The following PINX1 variants were observed in gnomAD, a reference collection of about 807,000 sequenced individuals.
PINX1 encodes PIN2/TERF1-interacting telomerase inhibitor 1.
A neutral mutation model predicts 25.4 loss-of-function variants in PINX1; 34 were observed. That is an observed-to-expected ratio of 1.34 (90% CI 1.02 to 1.78). The LOEUF is 1.78. Ranked by LOEUF, PINX1 falls within the 40% of genes most tolerant of loss-of-function variation. The pLI, the probability that PINX1 is intolerant of heterozygous loss-of-function variation, is 0.00. For synonymous variants in PINX1, 197 were observed against 147.7 expected, an observed-to-expected ratio of 1.33 and a Z score of -2.42; for missense variants, 592 against 404.9, an observed-to-expected ratio of 1.46 and a Z score of -3.97.
At chr8:10,778,615 C>T (rs2129073180) in intron 6 of PINX1, among the ~76,000 whole-genome samples, 1 of 152,282 alleles carries the variant, frequency 6.6e-6, no homozygotes, top group Middle Eastern at 3.4e-3. Context: ...CTATTCCTCC[C>T]TTTGATTCAC....
chr8:10,781,549 G>C (rs1044458125), intron 6 of PINX1, among the ~76,000 whole-genome samples: 2 of 152,120 alleles, frequency 1.3e-5, no homozygotes, highest in African/African-American at 2.4e-5. Context: ...TGCTGGACAG[G>C]TATTTCTCAA....
intron 5 of PINX1, among the ~76,000 whole-genome samples, chr8:10,820,657 C>T (rs974918889): frequency 2.0e-5 from 3 of 152,112 alleles, no homozygotes; most frequent in African/African-American, 7.2e-5. Context: ...GAGCTACTTA[C>T]TTAGAAGATT....
At chr8:10,821,195 C>G (rs2129086056) in intron 5 of PINX1, among the ~76,000 whole-genome samples, 1 of 152,376 alleles carries the variant, frequency 6.6e-6, no homozygotes, top group Middle Eastern at 3.4e-3. Flanking sequence ...TCCACCGTCA[C>G]AGACTCACTT....
chr8:10,832,573 A>C (rs1371689640), intron 3 of PINX1, among the ~76,000 whole-genome samples: 1 of 152,230 alleles, frequency 6.6e-6, no homozygotes, highest in Non-Finnish European at 1.5e-5. Context: ...ATACGGAACT[A>C]ACCAAAGTAA....
At chr8:10,824,203 A>G (rs1364178350) in intron 5 of PINX1, among the ~76,000 whole-genome samples, 1 of 152,226 alleles carries the variant, frequency 6.6e-6, no homozygotes, top group East Asian at 1.9e-4. Flanking sequence ...ACTGAGTCTG[A>G]AGGGAAATGG....
intron 2 of PINX1, 141 bp from the exon 3 acceptor site, chr8:10,833,125 AT>A (rs1394712986): frequency 1.8e-6 from 1 of 559,322 alleles, no homozygotes; most frequent in East Asian, 3.1e-5. Context: ...ACAAAGCAAC[AT>A]GGGGGAGGAC....
chr8:10,811,877 C>A (rs1797533400), intron 6 of PINX1, among the ~76,000 whole-genome samples: 1 of 152,180 alleles, frequency 6.6e-6, no homozygotes, highest in Non-Finnish European at 1.5e-5. Flanking sequence ...GTTCCAGGCC[C>A]ACCTGGGTAG....
chr8:10,808,077 C>T (rs1802512426), intron 6 of PINX1, among the ~76,000 whole-genome samples: 1 of 152,148 alleles, frequency 6.6e-6, no homozygotes, highest in Non-Finnish European at 1.5e-5. Flanking sequence ...AAAATTGTTA[C>T]AGGAAATGTT....
At chr8:10,828,195 T>C (rs963557490) in intron 4 of PINX1, among the ~76,000 whole-genome samples, 6 of 152,228 alleles carry the variant, frequency 3.9e-5, no homozygotes, top group South Asian at 2.1e-4. Context: ...CATTCTCTTC[T>C]GCAGCCACTT....
At chr8:10,814,431 GT>G (rs2129084049) in intron 6 of PINX1, among the ~76,000 whole-genome samples, 1 of 152,308 alleles carries the variant, frequency 6.6e-6, no homozygotes, top group South Asian at 2.1e-4. Flanking sequence ...CCTTCAAGCA[GT>G]AGGAATGCTT....
rs796636967 is a variant in PINX1, at chr8:10,794,986, C to T, written c.471+25207G>A. Among the ~76,000 whole-genome samples, 3 of 152,054 alleles carry T rather than the reference C, an allele frequency of 2.0e-5. No individual in the cohort carries two copies. The East Asian group carries it at 5.8e-4, about 29-fold the overall frequency. ...TGCAGGTGGTGATAAAGGAGGGTGA[C>T]GCTAGAAATGAACACCTCACGTTTC... On this transcript the variant is annotated intron_variant, in intron 6 of 6. Transcript: ENST00000314787.
chr8:10,793,348 C>A (rs1017763064), intron 6 of PINX1, among the ~76,000 whole-genome samples: 3 of 152,182 alleles, frequency 2.0e-5, no homozygotes, highest in Non-Finnish European at 2.9e-5. Flanking sequence ...TTCACCTAGA[C>A]CAGGGGTGTC....
chr8:10,819,624 C>A (rs919462515), intron 6 of PINX1, among the ~76,000 whole-genome samples: 1 of 152,220 alleles, frequency 6.6e-6, no homozygotes, highest in Non-Finnish European at 1.5e-5. Flanking sequence ...TTATGGAGTT[C>A]ATTCCATTGA....
At chr8:10,815,217 T>C (rs897486819) in intron 6 of PINX1, among the ~76,000 whole-genome samples, 3 of 152,192 alleles carry the variant, frequency 2.0e-5, no homozygotes, top group African/African-American at 4.8e-5. Flanking sequence ...GTTGGGATTA[T>C]AGGCACGAGC....
rs189895541 is a variant in PINX1 at position 10,825,388 on chromosome 8, A to G, written c.394+764T>C. 4.5e-3 allele frequency: 2,415 copies of G among 534,794 alleles called. 53 individuals are homozygous for G. Among genetic ancestry groups the G allele is most frequent in the Non-Finnish European group, 9.3e-4 (242 of 260,094 alleles). The allele number at this position is 534,794 out of a possible 1,614,324, so 33.1% of individuals were successfully genotyped here. ...GACTAGATATTACAGCATCAGCAGC[A>G]TCATCACGCTTCTTATGTAAACTAT... On this transcript the variant is annotated intron_variant, in intron 5 of 6. Transcript: ENST00000314787.
chr8:10,807,450 A>G (rs1335420950), intron 6 of PINX1, among the ~76,000 whole-genome samples: 1 of 151,356 alleles, frequency 6.6e-6, no homozygotes, highest in Non-Finnish European at 1.5e-5. Flanking sequence ...GAGGGGAAAA[A>G]ATTATGAAAC....
At chr8:10,810,187 C>T (rs1406513183) in intron 6 of PINX1, among the ~76,000 whole-genome samples, 1 of 152,202 alleles carries the variant, frequency 6.6e-6, no homozygotes, top group African/African-American at 2.4e-5. Context: ...CTGGGGATTA[C>T]AATTCAACAT....
In PINX1 at chr8:10,803,682, G is replaced by C. The variant is rs572287790; in HGVS notation, c.471+16511C>G. Among the ~76,000 whole-genome samples the C allele has an allele frequency of 2.6e-5, 4 of 152,308 alleles. No homozygotes were observed. The South Asian group carries it at 6.2e-4, about 24-fold the overall frequency. On this transcript the variant is annotated intron_variant, in intron 6 of 6. Coordinates refer to ENST00000314787, the MANE Select transcript of PINX1 (RefSeq NM_017884.6). ...TCAGCTTTTTGGCAGGAAGAGTTCA[G>C]ATTTATACTGCATTATGTCAGGAGC...
intron 6 of PINX1, among the ~76,000 whole-genome samples, chr8:10,766,353 T>G (rs775654351): frequency 6.6e-6 from 1 of 152,276 alleles, no homozygotes; most frequent in South Asian, 2.1e-4. Context: ...ATCTTCATTA[T>G]GGGTTACATG....
Sources: gnomAD v4.1 joint callset for allele counts (sites outside exome capture counted in the v4.1 genomes callset) on GRCh38, gnomAD v4.1.1 for gene constraint, MANE v1.5 for transcripts, NCBI Gene and HGNC (gene_info 2026-07-23, HGNC 2026-07-21) for gene names.